Variants in ARMC2 observed in about 807,000 individuals in gnomAD.
ARMC2 encodes the protein armadillo repeat-containing protein 2.
In ARMC2, 67 loss-of-function variants were observed where a neutral mutation model predicts 90.3. The observed-to-expected ratio is 0.74, with a 90% CI of 0.61 to 0.91. The LOEUF is 0.91. Ranked by LOEUF, ARMC2 falls within the 40% of genes least tolerant of loss-of-function variation. The probability of loss-of-function intolerance (pLI) is 0.00; values close to 1 mark genes in which losing one functional copy is unlikely to be tolerated. For missense variants in ARMC2, 920 were observed against 1,030.9 expected (o/e 0.89, Z 1.47); for synonymous variants, 393 against 393.0 (o/e 1.00, Z 0.00).
At chr6:109,051,601 C>T in the ARMC2 span, among the ~76,000 whole-genome samples, 2 of 152,222 alleles carry the variant, frequency 1.3e-5, no homozygotes, top group East Asian at 1.9e-4. Context: ...AAATTGTGGT[C>T]ACTGGTTTTC....
At chr6:109,010,355 TTC>T in the ARMC2 span, among the ~76,000 whole-genome samples, 68 of 152,328 alleles carry the variant, frequency 4.5e-4, no homozygotes, top group East Asian at 9.3e-3. Context: ...CATAACTCTA[TTC>T]TCTCTCTTTA....
downstream of ARMC2, among the ~76,000 whole-genome samples, chr6:108,978,288 T>C (rs1477902226): frequency 6.6e-6 from 1 of 152,226 alleles, no homozygotes; most frequent in Non-Finnish European, 1.5e-5. Context: ...GGTTGTTCAG[T>C]TTCCATGTAG....
the ARMC2 span, among the ~76,000 whole-genome samples, chr6:109,014,039 A>G: frequency 6.6e-6 from 1 of 151,496 alleles, no homozygotes; most frequent in African/African-American, 2.4e-5. Context: ...AATTTTTAGA[A>G]TTATATCACT....
At chr6:109,017,545 A>G in the ARMC2 span, among the ~76,000 whole-genome samples, 1 of 152,164 alleles carries the variant, frequency 6.6e-6, no homozygotes, top group Non-Finnish European at 1.5e-5. Context: ...TTGGCCTCCC[A>G]AAGTGCTGGG....
At chr6:108,947,365 T>A (rs1776875330) in intron 12 of ARMC2, among the ~76,000 whole-genome samples, 1 of 152,186 alleles carries the variant, frequency 6.6e-6, no homozygotes, top group Non-Finnish European at 1.5e-5. Context: ...TCTTCACCAG[T>A]GTTTGACTTT....
At chr6:108,931,695 G>A (rs1583157067) in intron 11 of ARMC2, among the ~76,000 whole-genome samples, 1 of 151,208 alleles carries the variant, frequency 6.6e-6, no homozygotes, top group Non-Finnish European at 1.5e-5. Flanking sequence ...ATGATACTGA[G>A]CTTTTTTTCC....
chr6:109,011,632 CTTT>C, the ARMC2 span, among the ~76,000 whole-genome samples: 4 of 138,654 alleles, frequency 2.9e-5, no homozygotes, highest in Non-Finnish European at 3.1e-5. Flanking sequence ...AATTTTTTTT[CTTT>C]TTTTTTTTTT....
chr6:109,048,814 T>C, the ARMC2 span, among the ~76,000 whole-genome samples: 2 of 152,186 alleles, frequency 1.3e-5, no homozygotes, highest in East Asian at 3.8e-4. Flanking sequence ...TCACAATTTA[T>C]TCTATGTGTT....
the ARMC2 span, among the ~76,000 whole-genome samples, chr6:109,033,397 T>C: frequency 3.3e-5 from 5 of 152,270 alleles, no homozygotes; most frequent in East Asian, 3.9e-4. Context: ...CCCAAACAAA[T>C]ATAAGCAAAG....
At chr6:109,050,114 T>G in the ARMC2 span, among the ~76,000 whole-genome samples, 1 of 152,328 alleles carries the variant, frequency 6.6e-6, no homozygotes, top group East Asian at 1.9e-4. Flanking sequence ...GCATCTGATT[T>G]GACTACTTTT....
At chr6:108,990,426 T>C in the ARMC2 span, among the ~76,000 whole-genome samples, 1 of 152,346 alleles carries the variant, frequency 6.6e-6, no homozygotes, top group East Asian at 1.9e-4. Context: ...TCAATTCTTG[T>C]CAAGGTCCCT....
intron 13 of ARMC2, among the ~76,000 whole-genome samples, chr6:108,955,393 G>A (rs892425428): frequency 4.6e-5 from 7 of 152,134 alleles, no homozygotes; most frequent in African/African-American, 1.4e-4. Context: ...GGAGCTTTAC[G>A]GTTGAAAACG....
chr6:108,861,755 C>T (rs1775267141), intron 3 of ARMC2, among the ~76,000 whole-genome samples: 1 of 152,190 alleles, frequency 6.6e-6, no homozygotes, highest in Non-Finnish European at 1.5e-5. Flanking sequence ...AGCTCGGTGG[C>T]TCTACCTTAT....
chr6:109,031,239 A>G, the ARMC2 span, among the ~76,000 whole-genome samples: 3 of 152,172 alleles, frequency 2.0e-5, no homozygotes, highest in Non-Finnish European at 4.4e-5. Context: ...GGTAGTCTAT[A>G]AAGTCAGTAA....
chr6:108,939,817 C>T (rs1776287430), intron 12 of ARMC2, among the ~76,000 whole-genome samples: 2 of 152,228 alleles, frequency 1.3e-5, no homozygotes, highest in Non-Finnish European at 2.9e-5. Flanking sequence ...CATCACTAAA[C>T]TTAATCATTG....
chr6:108,940,519 A>G (rs533016450), intron 12 of ARMC2, among the ~76,000 whole-genome samples: 1 of 152,136 alleles, frequency 6.6e-6, no homozygotes, highest in Non-Finnish European at 1.5e-5. Context: ...TAATCTTCTT[A>G]TTATACAAAT....
chr6:108,884,911 G>A (rs1212549217), intron 5 of ARMC2, among the ~76,000 whole-genome samples: 1 of 152,186 alleles, frequency 6.6e-6, no homozygotes, highest in Non-Finnish European at 1.5e-5. Context: ...AGCAGAGATG[G>A]AACCCTGCAT....
At chr6:108,958,714 G>A (rs1010260963) in intron 13 of ARMC2, among the ~76,000 whole-genome samples, 11 of 152,208 alleles carry the variant, frequency 7.2e-5, no homozygotes, top group African/African-American at 2.7e-4. Context: ...CCCATGAGCC[G>A]TCATTCTGGA....
intron 17 of ARMC2, among the ~76,000 whole-genome samples, chr6:108,971,210 C>G (rs1358631122): frequency 5.3e-5 from 8 of 152,056 alleles, no homozygotes; most frequent in African/African-American, 1.2e-4. Flanking sequence ...GACTCTGTCT[C>G]GAAAAAACGG....
Sources: allele counts gnomAD v4.1 joint callset (sites outside exome capture counted in the v4.1 genomes callset), GRCh38; gene constraint gnomAD v4.1.1; transcripts MANE v1.5; gene names NCBI Gene and HGNC (gene_info 2026-07-23, HGNC 2026-07-21).